Variants in CSNK2A1 observed in about 807,000 individuals in gnomAD.
The protein encoded by CSNK2A1 is casein kinase II subunit alpha.
Under a neutral mutation model 62.9 loss-of-function variants are expected in CSNK2A1, and 10 were observed. The observed-to-expected ratio is 0.16, with a 90% CI of 0.10 to 0.27. The LOEUF (loss-of-function observed/expected upper bound fraction) is 0.27, where lower values mean the gene tolerates loss of function less well. Ranked by LOEUF, CSNK2A1 falls within the 10% of genes least tolerant of loss-of-function variation. The probability of loss-of-function intolerance (pLI) is 1.00; values close to 1 mark genes in which losing one functional copy is unlikely to be tolerated. For missense variants in CSNK2A1, 160 were observed against 492.0 expected (o/e 0.33, Z 6.38); for synonymous variants, 124 against 167.8 (o/e 0.74, Z 2.02).
chr20:525,812 T>C (rs1405202238), intron 2 of CSNK2A1, among the ~76,000 whole-genome samples: 1 of 145,076 alleles, frequency 6.9e-6, no homozygotes, highest in African/African-American at 2.6e-5. Flanking sequence ...AGACCCTGTC[T>C]CTATTTTTTT....
chr20:518,713 ATTTTTTT>A (rs10534951), intron 2 of CSNK2A1, among the ~76,000 whole-genome samples: 6 of 120,960 alleles, frequency 5.0e-5, no homozygotes, highest in African/African-American at 1.3e-4. Context: ...CGCCCGGCTA[ATTTTTTT>A]TTTTTTTTTT....
chr20:506,282 G>C (rs561975992), intron 3 of CSNK2A1: 2 of 152,220 alleles, frequency 1.3e-5, no homozygotes, highest in South Asian at 4.1e-4. Context: ...GCCACACTTT[G>C]GCAGCAGCTG....
intron 1 of CSNK2A1, among the ~76,000 whole-genome samples, chr20:542,499 C>G (rs1272338146): frequency 1.3e-5 from 2 of 152,206 alleles, no homozygotes; most frequent in Non-Finnish European, 2.9e-5. Flanking sequence ...AGTGGCGGAT[C>G]TCAGCTCACT....
In CSNK2A1 at chr20:499,481, T is replaced by C. The variant is rs981310129; in HGVS notation, c.316-176A>G. On this transcript the variant is annotated intron_variant, in intron 5 of 13. Coordinates refer to ENST00000217244, the MANE Select transcript of CSNK2A1 (RefSeq NM_177559.3). The surrounding 1 kb of genome is among the most constrained non-coding windows in gnomAD (Gnocchi z 4.2). ...TGATCATCACCGCACTTAGGTCATT[T>C]TTGGGATGGATTTCAAACAGAAGAC... 9 of 567,232 alleles carry C rather than the reference T, an allele frequency of 1.6e-5. No homozygotes were observed. The highest frequency in any genetic ancestry group is 2.4e-5 in the Non-Finnish European group (8 of 331,118). The allele number at this position is 567,232 out of a possible 1,614,324, so 35.1% of individuals were successfully genotyped here. A position where few individuals can be genotyped will look rare whatever the true frequency, so the allele number is the denominator to read the frequency against.
chr20:531,093 A>G (rs912163748), intron 1 of CSNK2A1, among the ~76,000 whole-genome samples: 2 of 152,320 alleles, frequency 1.3e-5, no homozygotes, highest in African/African-American at 4.8e-5. Context: ...TCAAAAAACA[A>G]AAGAAAAGGT....
In CSNK2A1 at chr20:475,885, G is replaced by A. The variant is rs1374828432; in HGVS notation, c.*8076C>T. ...AAACCTGAATCCAATTCACATGGAG[G>A]TGTCCAGCCCAGCCGACCCACAACC... On this transcript the variant is annotated 3_prime_UTR_variant, in exon 14 of 14. Coordinates refer to ENST00000217244, the MANE Select transcript of CSNK2A1 (RefSeq NM_177559.3). 1 of 152,212 alleles carries A rather than the reference G, an allele frequency of 6.6e-6. No individual in the cohort carries two copies. The highest frequency in any genetic ancestry group is 1.5e-5 in the Non-Finnish European group (1 of 68,058). The allele number at this position is 152,212 out of a possible 1,614,324, so 9.4% of individuals were successfully genotyped here.
chr20:505,263 C>A lies in CSNK2A1; in HGVS notation c.102-34G>T. ...ACAAACAAAATGACTTATAAACGGT[C>A]AAATTATCAGCATCAATTCAAATTA... On this transcript the variant is annotated intron_variant, in intron 3 of 13. Coordinates refer to ENST00000217244, the MANE Select transcript of CSNK2A1 (RefSeq NM_177559.3). 2.7e-6 allele frequency: 4 copies of A among 1,462,804 alleles called. No homozygotes were observed. In the South Asian group the frequency reaches 4.7e-5, roughly 17 times the overall value. The allele number at this position is 1,462,804 out of a possible 1,614,324, so 90.6% of individuals were successfully genotyped here. A position where few individuals can be genotyped will look rare whatever the true frequency, so the allele number is the denominator to read the frequency against.
In CSNK2A1 at chr20:477,703, C is replaced by A. The variant is rs1428732381; in HGVS notation, c.*6258G>T. 6.6e-6 allele frequency: 1 copy of A among 152,248 alleles called. No homozygotes were observed. The allele number at this position is 152,248 out of a possible 1,614,324, so 9.4% of individuals were successfully genotyped here. A position where few individuals can be genotyped will look rare whatever the true frequency, so the allele number is the denominator to read the frequency against. ...GTCTTGGAAGCACTGACTTTAATACCCACTTAGGCTGGGCGCAGTGGCTCA... is the reference window on the plus strand; with the variant it reads ...GTCTTGGAAGCACTGACTTTAATACACACTTAGGCTGGGCGCAGTGGCTCA... On this transcript the variant is annotated 3_prime_UTR_variant, in exon 14 of 14. Transcript: ENST00000217244.
chr20:508,115 GCT>G (rs1469758785), intron 3 of CSNK2A1: 1 of 184,614 alleles, frequency 5.4e-6, no homozygotes, highest in Non-Finnish European at 1.1e-5. Flanking sequence ...ACATTTTTCA[GCT>G]CTCTTATAAT....
At chr20:536,392 A>G (rs1184811502) in intron 1 of CSNK2A1, among the ~76,000 whole-genome samples, 1 of 152,220 alleles carries the variant, frequency 6.6e-6, no homozygotes, top group Non-Finnish European at 1.5e-5. Context: ...TTTAATCCTC[A>G]ATAATCCTGA....
intron 8 of CSNK2A1, 100 bp downstream of exon 8, chr20:495,619 T>C (rs2018330314): frequency 8.7e-6 from 8 of 923,834 alleles, no homozygotes; most frequent in African/African-American, 1.6e-5. Flanking sequence ...AACTGCCGAA[T>C]AGGTACTAGG....
At chr20:503,476 A>G (rs1376114035) in intron 4 of CSNK2A1, 2 of 398,550 alleles carry the variant, frequency 5.0e-6, no homozygotes, top group Admixed American at 4.4e-5. Flanking sequence ...GCACCCCAGC[A>G]ATGCACAGGA....
At chr20:519,079 G>A (rs1184354118) in intron 2 of CSNK2A1, among the ~76,000 whole-genome samples, 1 of 151,872 alleles carries the variant, frequency 6.6e-6, no homozygotes, top group Admixed American at 6.6e-5. Context: ...GGGACTACAG[G>A]TGCATGCCAC....
At chr20:530,256 G>C (rs2019185955) in intron 1 of CSNK2A1, among the ~76,000 whole-genome samples, 1 of 152,124 alleles carries the variant, frequency 6.6e-6, no homozygotes, top group South Asian at 2.1e-4. Flanking sequence ...CATGCAATAT[G>C]TGGCCTCTTC....
intron 2 of CSNK2A1, among the ~76,000 whole-genome samples, chr20:526,237 C>T (rs891670108): frequency 5.3e-5 from 8 of 151,958 alleles, no homozygotes; most frequent in South Asian, 4.2e-4. Flanking sequence ...TTTGAAAGGC[C>T]AAGGCAAAGG....
At position 483,533 on chromosome 20, in the gene CSNK2A1, C is replaced by T. The variant is rs1337032529; in HGVS notation, c.*428G>A. The T allele has an allele frequency of 4.6e-5, 7 of 152,768 alleles. 1 individual carries two copies. The highest frequency in any genetic ancestry group is 1.7e-4 in the African/African-American group (7 of 41,452). The allele number at this position is 152,768 out of a possible 1,614,324, so 9.5% of individuals were successfully genotyped here. A position where few individuals can be genotyped will look rare whatever the true frequency, so the allele number is the denominator to read the frequency against. ...CTGAGAAGCTACATTTTTGTAATCTCTGGAGAAGAGCACGAGATACCAACC... is the reference window on the plus strand; with the variant it reads ...CTGAGAAGCTACATTTTTGTAATCTTTGGAGAAGAGCACGAGATACCAACC... On this transcript the variant is annotated 3_prime_UTR_variant, in exon 14 of 14. Coordinates refer to ENST00000217244, the MANE Select transcript of CSNK2A1 (RefSeq NM_177559.3).
Position 530,655 on chromosome 20 carries a change from A to T in CSNK2A1, c.-226-2606T>A, listed in dbSNP as rs1156705321. ...CGCCCAGTTAATTTTCTGCATTTTT[A>T]GTAGAGACAGGGTTTCGCCATGTTG... On this transcript the variant is annotated intron_variant, in intron 1 of 13. Coordinates refer to ENST00000217244, the MANE Select transcript of CSNK2A1 (RefSeq NM_177559.3). Among the ~76,000 whole-genome samples the T allele has an allele frequency of 7.9e-5, 12 of 151,914 alleles. No homozygotes were observed. In the South Asian group the frequency reaches 2.5e-3, roughly 32 times the overall value.
chr20:537,608 A>C (rs527454145), intron 1 of CSNK2A1, among the ~76,000 whole-genome samples: 39 of 152,320 alleles, frequency 2.6e-4, no homozygotes, highest in Non-Finnish European at 5.9e-5. Flanking sequence ...TTCCTTAATA[A>C]TCCTAGAGGA....
intron 2 of CSNK2A1, among the ~76,000 whole-genome samples, chr20:519,838 C>G (rs1055718067): frequency 1.3e-5 from 2 of 152,000 alleles, no homozygotes; most frequent in African/African-American, 4.8e-5. Context: ...ACTGATTATA[C>G]AAAAGAATAA....
Sources: allele counts gnomAD v4.1 joint callset (sites outside exome capture counted in the v4.1 genomes callset), GRCh38; gene constraint gnomAD v4.1.1; non-coding constraint Gnocchi (gnomAD v3.1); transcripts MANE v1.5; gene names NCBI Gene and HGNC (gene_info 2026-07-23, HGNC 2026-07-21).